Variants in ZNF239 observed in about 807,000 individuals in gnomAD.
The protein encoded by ZNF239 is zinc finger protein 239.
A neutral mutation model predicts 27.5 loss-of-function variants in ZNF239; 16 were observed. The observed-to-expected ratio is 0.58, with a 90% confidence interval of 0.39 to 0.88. The LOEUF (loss-of-function observed/expected upper bound fraction) is 0.88. Ranked by LOEUF, ZNF239 falls within the 40% of genes least tolerant of loss-of-function variation. The probability of loss-of-function intolerance (pLI) is 0.00; values close to 1 mark genes in which losing one functional copy is unlikely to be tolerated. For missense variants in ZNF239, 527 were observed against 551.9 expected (o/e 0.95, Z 0.45); for synonymous variants, 199 against 192.6 (o/e 1.03, Z -0.27).
chr10:43,559,019 G>C (rs1204169215), intron 3 of ZNF239, among the ~76,000 whole-genome samples: 1 of 151,986 alleles, frequency 6.6e-6, no homozygotes, highest in Non-Finnish European at 1.5e-5. Context: ...GGGAGAAAAT[G>C]ACAGGAAAAA....
chr10:43,557,896 T>C lies in ZNF239; in HGVS notation c.184A>G (p.Thr62Ala). ...SGCFENIESE[T>A]YLPLKVSSQI... ...CTTGAGACTTTCAAAGGCAAATATG[T>C]TTCACTTTCAATGTTTTCGAAACAA... Residue 62 changes from threonine to alanine, a missense_variant, in exon 4 of 4, where the codon ACA (threonine) becomes GCA (alanine). Transcript: ENST00000374446. 1 of 1,614,206 alleles carries C rather than the reference T, an allele frequency of 6.2e-7. No homozygotes were observed. Among genetic ancestry groups the C allele is most frequent in the Non-Finnish European group, 8.5e-7 (1 of 1,180,032 alleles).
At position 43,557,455 on chromosome 10, in the gene ZNF239, A is replaced by C. The variant is rs2230661; in HGVS notation, c.625T>G (p.Cys209Gly). The C allele has an allele frequency of 0.54, 871,369 of 1,613,868 alleles. 236,367 individuals carry two copies. The highest frequency in any genetic ancestry group is 0.61 in the South Asian group (55,433 of 91,082). Residue 209 changes from cysteine (C) to glycine (G), a missense_variant, in exon 4 of 4, where the codon TGT becomes GGT. Coordinates refer to ENST00000374446, the MANE Select transcript of ZNF239 (RefSeq NM_001099282.2). Reference sequence around the variant, plus strand: ...CTGAAGTTCTTACCACACTGACTACATTCGTATTGTTTCTCTGCAGTGTGG... The same window carrying C: ...CTGAAGTTCTTACCACACTGACTACCTTCGTATTGTTTCTCTGCAGTGTGG... Reference protein sequence around the residue: ...KIHTAEKQYECSQCGKNFSQS... With the variant: ...KIHTAEKQYEGSQCGKNFSQS...
chr10:43,558,287 T>C (rs2132228931), intron 3 of ZNF239, 116 bp from the exon 4 acceptor site: 2 of 961,988 alleles, frequency 2.1e-6, no homozygotes, highest in Admixed American at 3.0e-5. Context: ...CTTGTCTTTA[T>C]AGTCATGTCC....
At chr10:43,570,092 G>A (rs1837934683) in intron 2 of ZNF239, 1 of 820,180 alleles carries the variant, frequency 1.2e-6, no homozygotes, top group Non-Finnish European at 1.5e-6. Context: ...AATTTGATCA[G>A]CTAAGCCAGC....
intron 2 of ZNF239, among the ~76,000 whole-genome samples, chr10:43,571,242 T>C (rs1838013824): frequency 6.6e-6 from 1 of 150,936 alleles, no homozygotes; most frequent in African/African-American, 2.4e-5. Context: ...CACTTCTTTC[T>C]AGAGCCCATC....
At chr10:43,564,730 T>C (rs1837512928) in intron 3 of ZNF239, among the ~76,000 whole-genome samples, 1 of 152,032 alleles carries the variant, frequency 6.6e-6, no homozygotes, top group Non-Finnish European at 1.5e-5. Context: ...GGTTTTGCCA[T>C]GTTGCCCAGG....
chr10:43,557,729 T>C lies in ZNF239; in HGVS notation c.351A>G (p.Gln117=), dbSNP rs765913138. 2 of 1,614,046 alleles carry C rather than the reference T, an allele frequency of 1.2e-6. No individual in the cohort carries two copies. The highest frequency in any genetic ancestry group is 1.7e-5 in the Admixed American group (1 of 60,008). The change falls in exon 4 of 4, where the codon CAA becomes CAG. Residue 117 remains glutamine, a synonymous_variant. Coordinates refer to ENST00000374446, the MANE Select transcript of ZNF239 (RefSeq NM_001099282.2). ...IKGESCSENL[Q]VKLVSDGQEL... ...CTTGTCCATCAGACACCAGTTTAAC[T>C]TGAAGGTTCTCTGAACAACTTTCCC...
At position 43,558,695 on chromosome 10, in the gene ZNF239, C is replaced by T. The variant is rs139572190; in HGVS notation, c.-92-524G>A. Among the ~76,000 whole-genome samples the T allele has an allele frequency of 3.4e-3, 512 of 152,284 alleles. 3 individuals carry two copies. The highest frequency in any genetic ancestry group is 0.011 in the African/African-American group (471 of 41,560). ...AACTCCTGGCCTCAAGTGATCCATC[C>T]GCGTCAGCCTCCCAAAGTGCTGGGA... On this transcript the variant is annotated intron_variant, in intron 3 of 3. Coordinates refer to ENST00000374446, the MANE Select transcript of ZNF239 (RefSeq NM_001099282.2).
intron 2 of ZNF239, among the ~76,000 whole-genome samples, chr10:43,571,951 C>T (rs923553062): frequency 2.0e-5 from 3 of 152,014 alleles, no homozygotes; most frequent in African/African-American, 4.8e-5. Flanking sequence ...AATAATAATA[C>T]AACTAAAAGA....
Position 43,558,004 on chromosome 10 carries a change from C to T in ZNF239, c.76G>A (p.Asp26Asn). The T allele has an allele frequency of 1.2e-6, 2 of 1,614,156 alleles. No homozygotes were observed. Among genetic ancestry groups the T allele is most frequent in the Non-Finnish European group, 1.7e-6 (2 of 1,180,026 alleles). Residue 26 changes from aspartate to asparagine, a missense_variant, in exon 4 of 4, where the codon GAT (aspartate) becomes AAT (asparagine). Physicochemically the swap from Asp to Asn is conservative, Grantham distance 23. Coordinates refer to ENST00000374446, the MANE Select transcript of ZNF239 (RefSeq NM_001099282.2). ...RGEVDGEPEL[D>N]ISPCQQWGEA... ...CCCCACTGTTGACAAGGGGAAATAT[C>T]TAGTTCAGGCTCCCCATCCACTTCC...
chr10:43,574,143 C>T (rs1260123208), intron 1 of ZNF239, among the ~76,000 whole-genome samples: 2 of 152,234 alleles, frequency 1.3e-5, no homozygotes, highest in South Asian at 4.1e-4. Flanking sequence ...CTTACAGGAG[C>T]CCCCGTCCGT....
rs554606068 is a variant in ZNF239 at position 43,572,709 on chromosome 10, A to G, written c.-216+928T>C. 2.2e-4 allele frequency among the ~76,000 whole-genome samples: 34 copies of G among 152,290 alleles called. No homozygotes were observed. In the South Asian group the frequency reaches 7.0e-3, roughly 32 times the overall value. On this transcript the variant is annotated intron_variant, in intron 2 of 3. Transcript: ENST00000374446. ...GAGGGGGCCGACCATCTCAAACACC[A>G]TGGGATTCTAAGTGGGGGCTGACCA...
intron 2 of ZNF239, among the ~76,000 whole-genome samples, chr10:43,569,022 C>G (rs879359822): frequency 6.6e-6 from 1 of 152,114 alleles, no homozygotes; most frequent in Non-Finnish European, 1.5e-5. Flanking sequence ...AAAAACAAAA[C>G]AAAACACTTA....
rs1837793288 is a variant in ZNF239 at position 43,567,990 on chromosome 10, G to T, written c.-184C>A. 2.0e-6 allele frequency: 2 copies of T among 985,722 alleles called. No individual in the cohort carries two copies. Among genetic ancestry groups the T allele is most frequent in the African/African-American group, 3.5e-5 (2 of 57,182 alleles). The allele number at this position is 985,722 out of a possible 1,614,324, so 61.1% of individuals were successfully genotyped here. On this transcript the variant is annotated 5_prime_UTR_variant, in exon 3 of 4. Coordinates refer to ENST00000374446, the MANE Select transcript of ZNF239 (RefSeq NM_001099282.2). ...GTGACCTCACTCCTCCTCGGTGAAG[G>T]CCACAGAGGCATCCTTGAATGTAAC... is the stretch of plus-strand genomic sequence containing the variant.
chr10:43,560,442 G>A (rs1021389998), intron 3 of ZNF239, among the ~76,000 whole-genome samples: 1 of 152,060 alleles, frequency 6.6e-6, no homozygotes, highest in Admixed American at 6.6e-5. Flanking sequence ...CAAAAGAGGT[G>A]GACTTAAAAA....
chr10:43,558,520 C>A (rs1836979725), intron 3 of ZNF239, among the ~76,000 whole-genome samples: 1 of 151,946 alleles, frequency 6.6e-6, no homozygotes, highest in African/African-American at 2.4e-5. Context: ...GTGATCTGGT[C>A]TCACTGTAGC....
intron 3 of ZNF239, among the ~76,000 whole-genome samples, chr10:43,565,817 G>GAAAAAAAAAAAAAAAAAAA (rs36039838): frequency 1.5e-5 from 1 of 67,146 alleles, no homozygotes; most frequent in Non-Finnish European, 2.5e-5. Flanking sequence ...TCCATCTCAA[G>GAAAAAAAAAAAAAAAAAAA]AAAAAAAAAA....
At chr10:43,570,326 A>T in intron 2 of ZNF239, 1 of 985,390 alleles carries the variant, frequency 1.0e-6, no homozygotes, top group Non-Finnish European at 1.2e-6. Flanking sequence ...TGGGACAAAC[A>T]AACAGAAGCA....
chr10:43,572,163 AGTT>A (rs1404587688), intron 2 of ZNF239, among the ~76,000 whole-genome samples: 1 of 152,224 alleles, frequency 6.6e-6, no homozygotes, highest in Non-Finnish European at 1.5e-5. Context: ...AAATTAAAAA[AGTT>A]GTTGTGTAAC....
Sources: gnomAD v4.1 joint callset for allele counts (sites outside exome capture counted in the v4.1 genomes callset) on GRCh38, gnomAD v4.1.1 for gene constraint, MANE v1.5 for transcripts, NCBI Gene and HGNC (gene_info 2026-07-23, HGNC 2026-07-21) for gene names.